HEATR4: variants seen among roughly 807,000 people sequenced by gnomAD.
HEATR4 encodes the protein HEAT repeat containing 4.
Under a neutral mutation model 108.8 loss-of-function variants are expected in HEATR4, and 95 were observed. That is an observed-to-expected ratio of 0.87 (90% CI 0.74 to 1.04). HEATR4 has a LOEUF of 1.04. Ranked by LOEUF, HEATR4 falls within the 50% of genes least tolerant of loss-of-function variation. The pLI is 0.00. For synonymous variants in HEATR4, 443 were observed against 459.4 expected (o/e 0.96, Z 0.46); for missense variants, 1,152 against 1,253.8 (o/e 0.92, Z 1.23).
At chr14:73,524,310 A>AAAAAAAATATATATATATATATAT in intron 2 of HEATR4, among the ~76,000 whole-genome samples, 1 of 54,780 alleles carries the variant, frequency 1.8e-5, no homozygotes, top group Non-Finnish European at 3.1e-5. Context: ...AAAAAAAAAA[A>AAAAAAAATATATATATATATATAT]ATATATATAT....
chr14:73,587,874 A>AT, the HEATR4 span, among the ~76,000 whole-genome samples: 29 of 152,312 alleles, frequency 1.9e-4, no homozygotes, highest in Middle Eastern at 6.8e-3. Flanking sequence ...TCCAACACAT[A>AT]TTTTATGTCA....
rs184943564 is a variant in HEATR4 at position 73,532,762 on chromosome 14, A to G, written c.-151-2518T>C. The stretch of plus-strand genomic sequence containing the variant: ...AAGGTCAGGAGATTGAAACCATCCT[A>G]GCTAACACAGTAAAACCCCATCTCT... On this transcript the variant is annotated intron_variant, in intron 1 of 17. Coordinates refer to ENST00000553558, the MANE Select transcript of HEATR4 (RefSeq NM_001220484.1). Among the ~76,000 whole-genome samples the G allele has an allele frequency of 2.1e-3, 235 of 113,766 alleles. 54 individuals are homozygous for G. The highest frequency in any genetic ancestry group is 8.4e-3 in the South Asian group (30 of 3,588). The allele number at this position is 113,766 out of a possible 152,430, so 74.6% of individuals were successfully genotyped here.
chr14:73,560,943 T>C (rs1355925040), upstream of HEATR4, among the ~76,000 whole-genome samples: 1 of 152,032 alleles, frequency 6.6e-6, no homozygotes, highest in African/African-American at 2.4e-5. Flanking sequence ...CAGATATTTG[T>C]ATACCCATGT....
At chr14:73,592,554 C>T in the HEATR4 span, 2 of 1,101,276 alleles carry the variant, frequency 1.8e-6, no homozygotes, top group Admixed American at 3.0e-5. Context: ...GCCACTCTAC[C>T]AAAATAGAGG....
chr14:73,560,705 T>G (rs1338121097), upstream of HEATR4, among the ~76,000 whole-genome samples: 1 of 149,890 alleles, frequency 6.7e-6, no homozygotes. Context: ...AAATTAAACA[T>G]TATAACCCTG....
At chr14:73,597,070 TTTTATTTATTTA>T in the HEATR4 span, among the ~76,000 whole-genome samples, 8 of 148,910 alleles carry the variant, frequency 5.4e-5, no homozygotes, top group Non-Finnish European at 8.9e-5. Flanking sequence ...GGTAATTTTA[TTTTATTTATTTA>T]TTTATTTATT....
intron 2 of HEATR4, among the ~76,000 whole-genome samples, chr14:73,524,304 A>AT (rs1315675578): frequency 2.7e-4 from 25 of 93,764 alleles, no homozygotes; most frequent in African/African-American, 5.4e-4. Context: ...AAAAAAAAAA[A>AT]AAAAAAATAT....
the HEATR4 span, among the ~76,000 whole-genome samples, chr14:73,617,835 A>G: frequency 6.6e-6 from 1 of 152,158 alleles, no homozygotes; most frequent in Non-Finnish European, 1.5e-5. Context: ...ATCTGATAAC[A>G]GAAATAATTA....
intron 3 of HEATR4, 59 bp from the exon 4 acceptor site, chr14:73,521,098 T>C (rs1302557976): frequency 7.0e-7 from 1 of 1,422,634 alleles, no homozygotes; most frequent in Non-Finnish European, 9.8e-7. Context: ...GATCCCCCTT[T>C]CCATTAAATC....
intron 2 of HEATR4, among the ~76,000 whole-genome samples, chr14:73,527,777 A>G (rs139437317): frequency 5.5e-4 from 83 of 152,012 alleles, no homozygotes; most frequent in African/African-American, 1.8e-3. Context: ...CAGGGGTTCG[A>G]GACCAGCCCG....
the HEATR4 span, among the ~76,000 whole-genome samples, chr14:73,598,368 C>T: frequency 5.5e-5 from 8 of 144,564 alleles, no homozygotes; most frequent in East Asian, 4.1e-4. Context: ...CCAGCCTGGG[C>T]GACAGAGCAA....
rs2140318334 is a variant in HEATR4 at position 73,548,624 on chromosome 14, TCAG to T, written c.-152+10124_-152+10126del. ...ATGGGAAAAGAAAGGGCGTGGAGGT[TCAG>T]CACATTCTGAGGGTGTATTTCAAGA... is the stretch of plus-strand genomic sequence containing the variant. On this transcript the variant is annotated intron_variant, in intron 1 of 17. Transcript: ENST00000553558. Among the ~76,000 whole-genome samples, 2 of 115,696 alleles carry T rather than the reference TCAG, an allele frequency of 1.7e-5. 1 individual carries two copies. The highest frequency in any genetic ancestry group is 5.6e-4 in the South Asian group (2 of 3,600). 75.9% of individuals were successfully genotyped at this position (115,696 alleles called of 152,430 possible). A position where few individuals can be genotyped will look rare whatever the true frequency, so the allele number is the denominator to read the frequency against.
chr14:73,593,902 C>G, the HEATR4 span: 3 of 1,610,468 alleles, frequency 1.9e-6, no homozygotes, highest in Non-Finnish European at 2.5e-6. Context: ...TCAACATCCC[C>G]AGGTTCTCCT....
the HEATR4 span, among the ~76,000 whole-genome samples, chr14:73,588,200 A>G: frequency 6.6e-6 from 1 of 152,090 alleles, no homozygotes; most frequent in Non-Finnish European, 1.5e-5. Context: ...GGGTTTCACC[A>G]TCTTGGCCAG....
the HEATR4 span, among the ~76,000 whole-genome samples, chr14:73,630,511 A>G: frequency 1.2e-4 from 18 of 152,312 alleles, no homozygotes; most frequent in Middle Eastern, 3.4e-3. Context: ...CGCTCCCCCA[A>G]TAAAATGCTA....
chr14:73,584,016 C>A, the HEATR4 span, among the ~76,000 whole-genome samples: 4 of 151,372 alleles, frequency 2.6e-5, no homozygotes, highest in African/African-American at 7.3e-5. Flanking sequence ...AAAAAACAGA[C>A]AAAATGGCTA....
chr14:73,590,160 A>G, the HEATR4 span, among the ~76,000 whole-genome samples: 1 of 152,080 alleles, frequency 6.6e-6, no homozygotes, highest in South Asian at 2.1e-4. Context: ...CCCCACCCAC[A>G]TCCTGCTGAT....
chr14:73,578,087 G>A, the HEATR4 span, among the ~76,000 whole-genome samples: 3 of 151,688 alleles, frequency 2.0e-5, no homozygotes, highest in Non-Finnish European at 4.4e-5. Context: ...CTGACCTCAG[G>A]TGATCCACCC....
the HEATR4 span, among the ~76,000 whole-genome samples, chr14:73,566,696 A>T: frequency 1.3e-5 from 2 of 152,150 alleles, no homozygotes; most frequent in Admixed American, 6.5e-5. Flanking sequence ...ACGCAGCCTC[A>T]GTTCCCACTT....
Sources: gnomAD v4.1 joint callset for allele counts (sites outside exome capture counted in the v4.1 genomes callset) on GRCh38, gnomAD v4.1.1 for gene constraint, MANE v1.5 for transcripts, NCBI Gene and HGNC (gene_info 2026-07-23, HGNC 2026-07-21) for gene names.